SGIP1: variants seen among roughly 807,000 people sequenced by gnomAD.
SGIP1 encodes the protein SH3-containing GRB2-like protein 3-interacting protein 1.
In SGIP1, 38 loss-of-function variants were observed where a neutral mutation model predicts 107.5. The ratio of observed to expected loss-of-function variants is 0.35; its 90% CI spans 0.27 to 0.46. SGIP1 has a LOEUF of 0.46. Among genes scored for constraint, SGIP1 ranks in the 20% least tolerant of loss-of-function variants. The pLI is 1.00. For missense variants in SGIP1, 929 were observed against 1,019.5 expected (o/e 0.91, Z 1.21); for synonymous variants, 365 against 366.1 (o/e 1.00, Z 0.03).
chr1:66,660,994 T>A (rs1349472465), intron 8 of SGIP1, among the ~76,000 whole-genome samples: 1 of 152,164 alleles, frequency 6.6e-6, no homozygotes. Flanking sequence ...GTTTTTGTTT[T>A]AGTAAATCAA....
intron 1 of SGIP1, among the ~76,000 whole-genome samples, chr1:66,579,878 A>C (rs2148720799): frequency 6.6e-6 from 1 of 151,954 alleles, no homozygotes; most frequent in Admixed American, 6.6e-5. Context: ...CTCTAACCAA[A>C]CTTTTTTTAT....
intron 1 of SGIP1, among the ~76,000 whole-genome samples, chr1:66,582,471 A>G (rs2061964838): frequency 6.6e-6 from 1 of 151,798 alleles, no homozygotes; most frequent in Non-Finnish European, 1.5e-5. Flanking sequence ...GAGGAAAGCC[A>G]TTTTGATTAA....
intron 1 of SGIP1, among the ~76,000 whole-genome samples, chr1:66,592,885 T>TTTC (rs1242065826): frequency 7.5e-5 from 11 of 146,116 alleles, no homozygotes; most frequent in Non-Finnish European, 1.3e-4. Context: ...TCCTTCTTTC[T>TTTC]TTCTTCTTCT....
chr1:66,642,791 G>C lies in SGIP1; in HGVS notation c.229-19G>C, dbSNP rs1392186335. ...ACTGTTAGGATAATAATTACTTCATGTGCACTTGTGTTTTATAGAACTCAC... is the reference window on the plus strand; with the variant it reads ...ACTGTTAGGATAATAATTACTTCATCTGCACTTGTGTTTTATAGAACTCAC... On this transcript the variant is annotated intron_variant, in intron 5 of 24. Transcript: ENST00000371037. 1 of 1,599,450 alleles carries C rather than the reference G, an allele frequency of 6.3e-7. No homozygotes were observed. The highest frequency in any genetic ancestry group is 8.5e-7 in the Non-Finnish European group (1 of 1,173,278).
At chr1:66,736,277 A>C (rs1235959275) in intron 21 of SGIP1, among the ~76,000 whole-genome samples, 1 of 123,074 alleles carries the variant, frequency 8.1e-6, no homozygotes, top group African/African-American at 3.1e-5. Flanking sequence ...TATTTATACA[A>C]ATAGTTTAAA....
chr1:66,624,798 A>G (rs1364406573), intron 1 of SGIP1, among the ~76,000 whole-genome samples: 1 of 152,234 alleles, frequency 6.6e-6, no homozygotes, highest in Non-Finnish European at 1.5e-5. Context: ...AACATTTAGT[A>G]TATTTGAATA....
intron 17 of SGIP1, among the ~76,000 whole-genome samples, chr1:66,691,274 T>G (rs1248035209): frequency 6.6e-6 from 1 of 152,170 alleles, no homozygotes; most frequent in African/African-American, 2.4e-5. Context: ...GGAAGAGCAG[T>G]CTGCCCAGTT....
rs116572881 is a variant in SGIP1, at chr1:66,735,458, C to T, written c.2031+1578C>T. 7.9e-3 allele frequency among the ~76,000 whole-genome samples: 1,207 copies of T among 152,152 alleles called. 19 individuals carry two copies. The highest frequency in any genetic ancestry group is 0.028 in the African/African-American group (1,142 of 41,510). On this transcript the variant is annotated intron_variant, in intron 21 of 24. Coordinates refer to ENST00000371037, the MANE Select transcript of SGIP1 (RefSeq NM_032291.4). ...TTGAACTCCCAGCCTCAGATGATCC[C>T]CGTTCCTTGGCCTCCCAAAGTGCCA...
intron 1 of SGIP1, among the ~76,000 whole-genome samples, chr1:66,554,572 C>T (rs1488827728): frequency 6.6e-6 from 1 of 152,044 alleles, no homozygotes; most frequent in Non-Finnish European, 1.5e-5. Flanking sequence ...AGTCAAAATG[C>T]AATCAAAACT....
At chr1:66,720,772 T>A (rs928470353) in intron 19 of SGIP1, among the ~76,000 whole-genome samples, 2 of 152,112 alleles carry the variant, frequency 1.3e-5, no homozygotes, top group Non-Finnish European at 2.9e-5. Flanking sequence ...AAAGTCGATG[T>A]GTATATAGAA....
In SGIP1 at chr1:66,590,903, A is replaced by T. The variant is rs1318766914; in HGVS notation, c.11-34944A>T. On this transcript the variant is annotated intron_variant, in intron 1 of 24. Transcript: ENST00000371037. ...CCTGGCATATATCAGAATTTCTTAA[A>T]ATGAGAAATACATTTTCTTTCTGTA... Among the ~76,000 whole-genome samples, 101 of 152,194 alleles carry T rather than the reference A, an allele frequency of 6.6e-4. 1 individual carries two copies. Among genetic ancestry groups the T allele is most frequent in the Admixed American group, 6.5e-3 (100 of 15,276 alleles).
chr1:66,607,316 G>A (rs2067040217), intron 1 of SGIP1, among the ~76,000 whole-genome samples: 3 of 152,236 alleles, frequency 2.0e-5, no homozygotes, highest in African/African-American at 7.2e-5. Flanking sequence ...ACAGTGTTCA[G>A]GTAGCCCAGT....
At chr1:66,541,489 A>G (rs938252939) in intron 1 of SGIP1, among the ~76,000 whole-genome samples, 4 of 152,244 alleles carry the variant, frequency 2.6e-5, no homozygotes, top group Non-Finnish European at 5.9e-5. Context: ...GCCCAAAGTT[A>G]CAGCTGAGAG....
chr1:66,592,058 G>C (rs915411945), intron 1 of SGIP1, among the ~76,000 whole-genome samples: 2 of 152,176 alleles, frequency 1.3e-5, no homozygotes, highest in Non-Finnish European at 2.9e-5. Flanking sequence ...GGACGAGCAG[G>C]AGACAGATGC....
At chr1:66,712,569 T>C (rs1191744624) in intron 18 of SGIP1, among the ~76,000 whole-genome samples, 1 of 152,170 alleles carries the variant, frequency 6.6e-6, no homozygotes, top group Non-Finnish European at 1.5e-5. Flanking sequence ...GCTTTTTTTC[T>C]CTTTCCTCTT....
rs771130571 is a variant in SGIP1 at position 66,702,359 on chromosome 1, G to T, written c.1630+6866G>T. Among the ~76,000 whole-genome samples, 133 of 152,130 alleles carry T rather than the reference G, an allele frequency of 8.7e-4. 2 individuals carry two copies. The highest frequency in any genetic ancestry group is 3.5e-4 in the Non-Finnish European group (24 of 68,024). ...CTAACCACTATGCTACTCAAGTCTT[G>T]GTTGTGCCACTCAATAACCACGTGA... On this transcript the variant is annotated intron_variant, in intron 18 of 24. Transcript: ENST00000371037.
At chr1:66,686,031 G>T (rs2088138955) in intron 15 of SGIP1, among the ~76,000 whole-genome samples, 1 of 152,132 alleles carries the variant, frequency 6.6e-6, no homozygotes, top group Admixed American at 6.5e-5. Flanking sequence ...ATATCTCAAA[G>T]TGCATATGTT....
chr1:66,707,774 A>AGATTAGT (rs2092627297), intron 18 of SGIP1, among the ~76,000 whole-genome samples: 1 of 152,138 alleles, frequency 6.6e-6, no homozygotes, highest in Non-Finnish European at 1.5e-5. Context: ...TTAAGCCTGT[A>AGATTAGT]GATTAGTGCT....
intron 18 of SGIP1, chr1:66,704,706 C>T (rs1013106401): frequency 6.6e-6 from 1 of 152,100 alleles, no homozygotes; most frequent in Admixed American, 6.6e-5. Flanking sequence ...GCTGCCTACC[C>T]TATTTCAAAA....
Sources: gnomAD v4.1 joint callset for allele counts (sites outside exome capture counted in the v4.1 genomes callset) on GRCh38, gnomAD v4.1.1 for gene constraint, MANE v1.5 for transcripts, NCBI Gene and HGNC (gene_info 2026-07-23, HGNC 2026-07-21) for gene names.